CIMAP2: variants seen among roughly 807,000 people sequenced by gnomAD.
CIMAP2 encodes the protein ciliary microtubule-associated protein 2.
At chr1:54,815,133 G>C in the CIMAP2 span, 1 of 1,536,778 alleles carries the variant, frequency 6.5e-7, no homozygotes, top group Non-Finnish European at 8.9e-7. Context: ...CCGATGCTTT[G>C]AGTGAGCCAT....
the CIMAP2 span, among the ~76,000 whole-genome samples, chr1:54,818,174 G>A: frequency 3.3e-5 from 5 of 152,138 alleles, no homozygotes; most frequent in Admixed American, 6.5e-5. Flanking sequence ...CTGTTCTGAT[G>A]CATCTTGGCA....
chr1:54,815,004 G>A, the CIMAP2 span: 1 of 1,614,206 alleles, frequency 6.2e-7, no homozygotes, highest in East Asian at 2.2e-5. Context: ...CAAGGGGTCA[G>A]GTGCAAAGGC....
At chr1:54,811,696 C>G in the CIMAP2 span, 3 of 1,396,094 alleles carry the variant, frequency 2.1e-6, no homozygotes, top group Non-Finnish European at 3.0e-6. Context: ...AATCCCATTC[C>G]CTTCTTGGGG....
chr1:54,817,185 G>A, the CIMAP2 span: 1 of 1,593,264 alleles, frequency 6.3e-7, no homozygotes, highest in Non-Finnish European at 8.6e-7. Context: ...CTCTGGGGTG[G>A]GCTGGTGGTT....
chr1:54,813,812 A>G, the CIMAP2 span: 1 of 1,586,518 alleles, frequency 6.3e-7, no homozygotes, highest in Non-Finnish European at 8.5e-7. Flanking sequence ...TCTTTTTCTT[A>G]GAAAAAAAAG....
At chr1:54,808,281 TAGAC>T in the CIMAP2 span, among the ~76,000 whole-genome samples, 2 of 152,070 alleles carry the variant, frequency 1.3e-5, no homozygotes, top group East Asian at 3.9e-4. Context: ...GAACACAAAT[TAGAC>T]AGGCAAGGGA....
At chr1:54,814,489 G>A in the CIMAP2 span, among the ~76,000 whole-genome samples, 1 of 152,208 alleles carries the variant, frequency 6.6e-6, no homozygotes, top group Non-Finnish European at 1.5e-5. Flanking sequence ...CCTTCCTGAG[G>A]TAGGGATTAT....
the CIMAP2 span, chr1:54,817,224 G>A: frequency 2.7e-4 from 398 of 1,474,328 alleles, no homozygotes; most frequent in Admixed American, 4.9e-4. Context: ...TGGGAACACA[G>A]CTTCTGCCCC....
chr1:54,835,075 T>A, the CIMAP2 span, among the ~76,000 whole-genome samples: 2 of 152,274 alleles, frequency 1.3e-5, no homozygotes, highest in African/African-American at 4.8e-5. Flanking sequence ...CTAAAAGGCA[T>A]ATTCTTTGTC....
the CIMAP2 span, among the ~76,000 whole-genome samples, chr1:54,816,341 C>T: frequency 0.38 from 57,802 of 152,092 alleles, 11,464 homozygotes; most frequent in African/African-American, 0.48. Context: ...TGCAGATGGC[C>T]GGGTTCTTGT....
chr1:54,827,543 C>T, the CIMAP2 span, among the ~76,000 whole-genome samples: 1 of 152,172 alleles, frequency 6.6e-6, no homozygotes, highest in Non-Finnish European at 1.5e-5. Context: ...ATTTCTAACC[C>T]CGGCTTAGAA....
chr1:54,831,093 G>C, the CIMAP2 span, among the ~76,000 whole-genome samples: 38 of 152,096 alleles, frequency 2.5e-4, no homozygotes, highest in Non-Finnish European at 4.7e-4. Context: ...AAATGACACT[G>C]AACCTGCAAT....
At chr1:54,823,231 TATGTATCTAAG>T in the CIMAP2 span, among the ~76,000 whole-genome samples, 1 of 152,242 alleles carries the variant, frequency 6.6e-6, no homozygotes, top group Admixed American at 6.5e-5. Context: ...TTATTTGCCT[TATGTATCTAAG>T]TGCTCTGGTG....
At chr1:54,836,142 C>T in the CIMAP2 span, among the ~76,000 whole-genome samples, 4 of 152,078 alleles carry the variant, frequency 2.6e-5, no homozygotes, top group Non-Finnish European at 5.9e-5. Flanking sequence ...AGGTGGTTGC[C>T]GTTGAGACTG....
At chr1:54,835,527 G>A in the CIMAP2 span, among the ~76,000 whole-genome samples, 51 of 152,142 alleles carry the variant, frequency 3.4e-4, no homozygotes, top group Non-Finnish European at 1.8e-4. Context: ...GTATGCAATA[G>A]CTTTAAAGGG....
At chr1:54,836,868 G>T in the CIMAP2 span, among the ~76,000 whole-genome samples, 1 of 152,024 alleles carries the variant, frequency 6.6e-6, no homozygotes, top group African/African-American at 2.4e-5. Context: ...TGAATCAGGT[G>T]GGGTGGGATC....
the CIMAP2 span, among the ~76,000 whole-genome samples, chr1:54,826,006 A>G: frequency 6.6e-6 from 1 of 152,298 alleles, no homozygotes; most frequent in South Asian, 2.1e-4. Flanking sequence ...AACATGCACA[A>G]GCCCTGGTGG....
the CIMAP2 span, among the ~76,000 whole-genome samples, chr1:54,814,177 T>C: frequency 5.9e-5 from 9 of 152,118 alleles, no homozygotes; most frequent in Admixed American, 5.9e-4. Context: ...CCTATGAAGA[T>C]GGTGAAGTGG....
chr1:54,841,837 T>G, the CIMAP2 span: 1 of 1,554,986 alleles, frequency 6.4e-7, no homozygotes, highest in Non-Finnish European at 8.7e-7. Flanking sequence ...GAAAGTGCCC[T>G]CCAACTGTGG....
Sources: allele counts gnomAD v4.1 joint callset (sites outside exome capture counted in the v4.1 genomes callset), GRCh38; gene constraint gnomAD v4.1.1; transcripts MANE v1.5; gene names NCBI Gene and HGNC (gene_info 2026-07-23, HGNC 2026-07-21).